Variants in PCNX1 observed in about 807,000 individuals in gnomAD.
The protein encoded by PCNX1 is pecanex-like protein 1.
Under a neutral mutation model 242.2 loss-of-function variants are expected in PCNX1, and 78 were observed. The observed-to-expected ratio is 0.32, with a 90% CI of 0.27 to 0.39. The LOEUF (loss-of-function observed/expected upper bound fraction) is 0.39, where lower values mean the gene tolerates loss of function less well. Ranked by LOEUF, PCNX1 falls within the 10% of genes least tolerant of loss-of-function variation. The pLI is 1.00. For missense variants in PCNX1, 2,581 were observed against 2,856.5 expected (o/e 0.90, Z 2.20); for synonymous variants, 1,024 against 1,032.9 (o/e 0.99, Z 0.17).
At chr14:70,988,727 T>C (rs1297911323) in intron 7 of PCNX1, 28 bp downstream of exon 7, 2 of 1,603,198 alleles carry the variant, frequency 1.2e-6, no homozygotes, top group Non-Finnish European at 8.5e-7. Context: ...CCACCAAGTT[T>C]AGCATGCATG....
rs930212552 is a variant in PCNX1 at position 70,994,427 on chromosome 14, A to ATATATATATATATATATATG, written c.2445-1311_2445-1310insATATATATATATATATGTAT. On this transcript the variant is annotated intron_variant, in intron 7 of 35. Transcript: ENST00000304743. ...TATATATATATATATATATATATAT[A>ATATATATATATATATATATG]TATGTATGTATGTATGTTTCAACAT... is the stretch of plus-strand genomic sequence containing the variant. 1.9e-3 allele frequency among the ~76,000 whole-genome samples: 164 copies of ATATATATATATATATATATG among 88,530 alleles called. 1 individual carries two copies. The highest frequency in any genetic ancestry group is 5.4e-3 in the African/African-American group (129 of 23,918). 58.1% of individuals were successfully genotyped at this position (88,530 alleles called of 152,430 possible).
intron 26 of PCNX1, among the ~76,000 whole-genome samples, chr14:71,072,247 TAAAGC>T (rs1212616679): frequency 6.6e-6 from 1 of 152,150 alleles, no homozygotes; most frequent in Non-Finnish European, 1.5e-5. Flanking sequence ...CAAAGAGCAG[TAAAGC>T]AAAGTACAAT....
intron 23 of PCNX1, 97 bp from the exon 24 acceptor site, chr14:71,051,786 T>G: frequency 8.8e-7 from 1 of 1,138,364 alleles, no homozygotes; most frequent in Non-Finnish European, 1.3e-6. Flanking sequence ...AGTTCTCTAA[T>G]TGAGGTAATC....
intron 25 of PCNX1, among the ~76,000 whole-genome samples, chr14:71,057,241 A>G (rs2061207519): frequency 6.6e-6 from 1 of 152,206 alleles, no homozygotes; most frequent in East Asian, 1.9e-4. Context: ...AGAGGTCAAA[A>G]AGTCCTTAGA....
intron 33 of PCNX1, among the ~76,000 whole-genome samples, chr14:71,106,308 A>G (rs750833285): frequency 3.3e-4 from 50 of 152,290 alleles, no homozygotes; most frequent in Middle Eastern, 3.4e-3. Context: ...GTGAGCCACC[A>G]CGCCCAGCTG....
intron 5 of PCNX1, among the ~76,000 whole-genome samples, chr14:70,970,344 C>T (rs962713845): frequency 1.3e-5 from 2 of 152,048 alleles, no homozygotes; most frequent in Non-Finnish European, 2.9e-5. Context: ...CCAGCCTGGG[C>T]AACAGAGGGA....
chr14:71,091,890 G>A (rs1228583109), intron 30 of PCNX1, among the ~76,000 whole-genome samples: 1 of 152,144 alleles, frequency 6.6e-6, no homozygotes, highest in East Asian at 1.9e-4. Context: ...ACGCCGTGTG[G>A]CACTAATCAT....
intron 32 of PCNX1, among the ~76,000 whole-genome samples, chr14:71,103,936 T>A (rs77168716): frequency 2.0e-4 from 30 of 152,248 alleles, no homozygotes; most frequent in Non-Finnish European, 3.8e-4. Context: ...TTAATTTTTT[T>A]AACTTTCTGT....
At chr14:71,079,550 T>C (rs555771700) in intron 28 of PCNX1, among the ~76,000 whole-genome samples, 8 of 152,338 alleles carry the variant, frequency 5.3e-5, no homozygotes, top group African/African-American at 1.7e-4. Context: ...TTTTGTTTCC[T>C]GACTTTTTAA....
At chr14:70,966,678 G>A (rs552934636) in intron 3 of PCNX1, among the ~76,000 whole-genome samples, 1 of 152,294 alleles carries the variant, frequency 6.6e-6, no homozygotes, top group Admixed American at 6.5e-5. Flanking sequence ...GAAGGAGAAA[G>A]GGAATACTTT....
chr14:71,107,271 G>A (rs1412667092), intron 33 of PCNX1, among the ~76,000 whole-genome samples: 1 of 152,018 alleles, frequency 6.6e-6, no homozygotes, highest in Non-Finnish European at 1.5e-5. Flanking sequence ...TTTTCAATGG[G>A]ATTCAAGTGA....
chr14:71,089,355 G>A lies in PCNX1; in HGVS notation c.5589+13G>A, dbSNP rs2062069787. ...TAAACTTCATCAGGTAAGAAGATGAGATTTTTCTAATTCATTACTGGTGTT... is the reference window on the plus strand; with the variant it reads ...TAAACTTCATCAGGTAAGAAGATGAAATTTTTCTAATTCATTACTGGTGTT... On this transcript the variant is annotated intron_variant, in intron 30 of 35. Coordinates refer to ENST00000304743, the MANE Select transcript of PCNX1 (RefSeq NM_014982.3). 7 of 1,597,642 alleles carry A rather than the reference G, an allele frequency of 4.4e-6. No individual in the cohort carries two copies. The highest frequency in any genetic ancestry group is 5.1e-6 in the Non-Finnish European group (6 of 1,168,618).
chr14:71,099,438 G>A (rs774921006), intron 30 of PCNX1, among the ~76,000 whole-genome samples: 9 of 151,092 alleles, frequency 6.0e-5, no homozygotes, highest in Non-Finnish European at 1.3e-4. Flanking sequence ...GATTACAGGC[G>A]TGAGCCACCA....
chr14:70,929,626 T>C (rs2056716259), intron 1 of PCNX1, among the ~76,000 whole-genome samples: 1 of 152,216 alleles, frequency 6.6e-6, no homozygotes. Context: ...TATGTACTTA[T>C]GTGATGAGTG....
chr14:71,086,991 A>T (rs532223584), intron 28 of PCNX1, among the ~76,000 whole-genome samples: 41 of 149,518 alleles, frequency 2.7e-4, no homozygotes, highest in African/African-American at 9.3e-4. Flanking sequence ...AATCTGAATT[A>T]AAAAAAAAAA....
At chr14:70,988,535 C>T in intron 6 of PCNX1, 32 bp from the exon 7 acceptor site, 2 of 1,606,428 alleles carry the variant, frequency 1.2e-6, no homozygotes, top group Non-Finnish European at 1.7e-6. Context: ...CTGACCTAGG[C>T]TCTTGTTTGA....
intron 1 of PCNX1, among the ~76,000 whole-genome samples, chr14:70,942,087 G>A (rs1237468016): frequency 6.6e-6 from 1 of 152,148 alleles, no homozygotes; most frequent in South Asian, 2.1e-4. Context: ...CCCGGGTGAG[G>A]TGATGCCCAG....
chr14:70,948,376 G>A (rs541187234), intron 2 of PCNX1, among the ~76,000 whole-genome samples: 9 of 151,954 alleles, frequency 5.9e-5, no homozygotes, highest in South Asian at 2.1e-4. Flanking sequence ...TTCTCAGACC[G>A]GCCAACACTT....
At chr14:71,071,651 C>T (rs1381967557) in intron 26 of PCNX1, among the ~76,000 whole-genome samples, 6 of 152,194 alleles carry the variant, frequency 3.9e-5, no homozygotes, top group Non-Finnish European at 5.9e-5. Flanking sequence ...CCCAGCCACA[C>T]TTCCTGTACA....
Sources: allele counts gnomAD v4.1 joint callset (sites outside exome capture counted in the v4.1 genomes callset), GRCh38; gene constraint gnomAD v4.1.1; transcripts MANE v1.5; gene names NCBI Gene and HGNC (gene_info 2026-07-23, HGNC 2026-07-21).